The following JAZF1 variants were observed in gnomAD, a reference collection of about 807,000 sequenced individuals.
The protein encoded by JAZF1 is juxtaposed with another zinc finger protein 1.
Under a neutral mutation model 26.4 loss-of-function variants are expected in JAZF1, and 8 were observed. The observed-to-expected ratio is 0.30, with a 90% CI of 0.18 to 0.55. The LOEUF is 0.55. Ranked by LOEUF, JAZF1 falls within the 20% of genes least tolerant of loss-of-function variation. The probability of loss-of-function intolerance (pLI) is 0.94; values close to 1 mark genes in which losing one functional copy is unlikely to be tolerated. For synonymous variants in JAZF1, 126 were observed against 122.3 expected, an observed-to-expected ratio of 1.03 and a Z score of -0.20; for missense variants, 199 against 322.0, an observed-to-expected ratio of 0.62 and a Z score of 2.92.
At chr7:28,109,713 A>G (rs886079982) in intron 1 of JAZF1, among the ~76,000 whole-genome samples, 1 of 152,198 alleles carries the variant, frequency 6.6e-6, no homozygotes, top group Non-Finnish European at 1.5e-5. Context: ...CACTCTGTCA[A>G]TAGGCTGCTA....
chr7:28,018,229 C>T (rs752905365), intron 1 of JAZF1, among the ~76,000 whole-genome samples: 2 of 152,100 alleles, frequency 1.3e-5, no homozygotes, highest in African/African-American at 2.4e-5. Flanking sequence ...GAGGAGGAGT[C>T]GGCCAGGGCA....
At chr7:27,950,789 T>C (rs927656653) in intron 2 of JAZF1, among the ~76,000 whole-genome samples, 1 of 152,080 alleles carries the variant, frequency 6.6e-6, no homozygotes, top group Non-Finnish European at 1.5e-5. Flanking sequence ...CATCGAGTAG[T>C]TGGTCACAGC....
intron 1 of JAZF1, among the ~76,000 whole-genome samples, chr7:28,090,817 G>GTTTTTT (rs11367530): frequency 2.1e-4 from 21 of 101,796 alleles, no homozygotes; most frequent in East Asian, 2.9e-4. Flanking sequence ...TTTTTTAGTT[G>GTTTTTT]TTTTTTTTTT....
intron 1 of JAZF1, among the ~76,000 whole-genome samples, chr7:28,048,380 T>C (rs1051839985): frequency 6.6e-6 from 1 of 152,206 alleles, no homozygotes; most frequent in African/African-American, 2.4e-5. Flanking sequence ...TTACAGCTAT[T>C]ACTTAATTAG....
chr7:28,022,744 T>TTC (rs397787373), intron 1 of JAZF1, among the ~76,000 whole-genome samples: 2 of 4,010 alleles, frequency 5.0e-4, no homozygotes, highest in Non-Finnish European at 3.8e-3. Flanking sequence ...AATATTTCAC[T>TTC]GTTGTTGTTG....
intron 1 of JAZF1, among the ~76,000 whole-genome samples, chr7:28,047,956 G>T (rs928816782): frequency 5.3e-5 from 8 of 152,150 alleles, no homozygotes; most frequent in African/African-American, 1.2e-4. Context: ...AATAAGCCTG[G>T]ATGTGTTCTG....
chr7:27,897,570 A>G (rs1358342252), intron 2 of JAZF1, among the ~76,000 whole-genome samples: 1 of 152,204 alleles, frequency 6.6e-6, no homozygotes, highest in Non-Finnish European at 1.5e-5. Flanking sequence ...ATGACCTCTG[A>G]CTGGTGAACT....
intron 1 of JAZF1, among the ~76,000 whole-genome samples, chr7:28,021,778 TG>T (rs1783011812): frequency 6.6e-6 from 1 of 152,308 alleles, no homozygotes; most frequent in African/African-American, 2.4e-5. Context: ...GATGTTATTT[TG>T]GCTTTCTGGA....
intron 3 of JAZF1, among the ~76,000 whole-genome samples, chr7:27,885,836 G>A (rs1432928371): frequency 6.6e-6 from 1 of 152,172 alleles, no homozygotes; most frequent in Non-Finnish European, 1.5e-5. Flanking sequence ...AGCCTTCTCT[G>A]AGGTTAGTGC....
At chr7:27,943,233 C>T (rs576587683) in intron 2 of JAZF1, among the ~76,000 whole-genome samples, 10 of 152,256 alleles carry the variant, frequency 6.6e-5, no homozygotes, top group Admixed American at 3.3e-4. Flanking sequence ...CCCCTACATC[C>T]GGACTGCCTG....
chr7:28,035,528 T>G (rs1367689881), intron 1 of JAZF1, among the ~76,000 whole-genome samples: 2 of 152,070 alleles, frequency 1.3e-5, no homozygotes, highest in Non-Finnish European at 2.9e-5. Flanking sequence ...AACAAACTCT[T>G]AAAAGCAAAT....
At chr7:27,880,832 T>C (rs1409310116) in intron 3 of JAZF1, among the ~76,000 whole-genome samples, 1 of 152,068 alleles carries the variant, frequency 6.6e-6, no homozygotes, top group Non-Finnish European at 1.5e-5. Context: ...ACCTGGCTAA[T>C]TTAAAAACAG....
At chr7:28,080,441 T>C (rs536954564) in intron 1 of JAZF1, among the ~76,000 whole-genome samples, 24 of 152,362 alleles carry the variant, frequency 1.6e-4, no homozygotes, top group African/African-American at 5.8e-4. Context: ...TCAAGAACTT[T>C]TTCCTTGCAT....
intron 1 of JAZF1, among the ~76,000 whole-genome samples, chr7:28,045,307 C>A (rs1783477272): frequency 6.6e-6 from 1 of 152,010 alleles, no homozygotes; most frequent in South Asian, 2.1e-4. Context: ...TCTTCTTCAC[C>A]CAATTCAACC....
At chr7:27,916,468 G>C (rs1020402945) in intron 2 of JAZF1, among the ~76,000 whole-genome samples, 2 of 152,130 alleles carry the variant, frequency 1.3e-5, no homozygotes, top group African/African-American at 4.8e-5. Context: ...ACTAATACAT[G>C]ACCTTGTTTT....
At chr7:28,177,656 C>T (rs1257368798) in intron 1 of JAZF1, among the ~76,000 whole-genome samples, 3 of 152,208 alleles carry the variant, frequency 2.0e-5, no homozygotes, top group South Asian at 2.1e-4. Flanking sequence ...AAATAACACA[C>T]CTCTTATTCT....
intron 1 of JAZF1, among the ~76,000 whole-genome samples, chr7:28,144,094 C>A (rs1316308414): frequency 6.6e-6 from 1 of 152,150 alleles, no homozygotes; most frequent in African/African-American, 2.4e-5. Flanking sequence ...AGCATGTTTA[C>A]AAATTGCTTT....
rs143842183 is a variant in JAZF1 at position 28,156,197 on chromosome 7, C to T, written c.115+24266G>A. On this transcript the variant is annotated intron_variant, in intron 1 of 4. Transcript: ENST00000283928. ...TGAAAGGTTCTCTTGGCTCTGTTTA[C>T]TTTGGACAGGCATCAAGCGTCTGTT... is the stretch of plus-strand genomic sequence containing the variant. Among the ~76,000 whole-genome samples the T allele has an allele frequency of 3.8e-3, 576 of 152,318 alleles. 2 individuals carry two copies. Among genetic ancestry groups the T allele is most frequent in the Admixed American group, 8.7e-3 (133 of 15,304 alleles).
chr7:28,025,520 G>A (rs1242180400), intron 1 of JAZF1, among the ~76,000 whole-genome samples: 1 of 152,050 alleles, frequency 6.6e-6, no homozygotes, highest in Non-Finnish European at 1.5e-5. Flanking sequence ...CTGACTCCAA[G>A]GCCAGCCTCA....
Sources: gnomAD v4.1 joint callset for allele counts (sites outside exome capture counted in the v4.1 genomes callset) on GRCh38, gnomAD v4.1.1 for gene constraint, MANE v1.5 for transcripts, NCBI Gene and HGNC (gene_info 2026-07-23, HGNC 2026-07-21) for gene names.